BEST1: variants seen among roughly 807,000 people sequenced by gnomAD.
The protein encoded by BEST1 is bestrophin 1, also known as bestrophin-1.
A neutral mutation model predicts 63.3 loss-of-function variants in BEST1; 58 were observed. That is an observed-to-expected ratio of 0.92 (90% CI 0.74 to 1.14). The LOEUF is 1.14. Ranked by LOEUF, BEST1 falls within the 50% of genes most tolerant of loss-of-function variation. The pLI is 0.00. For missense variants in BEST1, 671 were observed against 740.1 expected, an observed-to-expected ratio of 0.91 and a Z score of 1.08; for synonymous variants, 283 against 291.6, an observed-to-expected ratio of 0.97 and a Z score of 0.30.
At chr11:61,949,962 A>AC (rs1476045455), upstream of BEST1, 1 of 152,240 alleles carries the variant, frequency 6.6e-6, no homozygotes, top group Admixed American at 6.6e-5. Flanking sequence ...GCTGTCAAAG[A>AC]CCCCAGGGCC....
intron 10 of BEST1, 118 bp from the exon 11 acceptor site, chr11:61,963,984 CTG>C: frequency 6.6e-7 from 1 of 1,513,894 alleles, no homozygotes; most frequent in Middle Eastern, 2.2e-4. Flanking sequence ...CGGAGTGAGA[CTG>C]TCTCAAAAAA....
intron 2 of BEST1, 152 bp from the exon 3 acceptor site, chr11:61,954,955 G>C: frequency 6.7e-7 from 1 of 1,494,642 alleles, no homozygotes; most frequent in Non-Finnish European, 8.9e-7. Context: ...TCATGGACCT[G>C]GCTCAGGCCT....
At position 61,962,877 on chromosome 11, in the gene BEST1, T is replaced by G; in HGVS notation, c.1723T>G (p.Trp575Gly). 1 of 1,614,172 alleles carries G rather than the reference T, an allele frequency of 6.2e-7. No homozygotes were observed. Among genetic ancestry groups the G allele is most frequent in the African/African-American group, 1.3e-5 (1 of 75,044 alleles). Residue 575 changes from tryptophan (W) to glycine (G), a missense_variant, in exon 10 of 11, where the codon TGG (tryptophan) becomes GGG (glycine). Transcript: ENST00000378043. ...TTLKDHMDPY[W>G]ALENRDEAHS ...ACTCAAAGATCACATGGATCCTTAT[T>G]GGGCCTTGGAAAACAGGTCTGTCCT...
intron 10 of BEST1, chr11:61,963,249 A>G (rs1942267325): frequency 8.7e-6 from 12 of 1,382,300 alleles, no homozygotes; most frequent in Non-Finnish European, 1.1e-5. Flanking sequence ...ACTTTGAGCA[A>G]GGGTGGCTGA....
In BEST1 at chr11:61,960,005, CCGT is replaced by C. The variant is rs1941894041; in HGVS notation, c.1065_1067del (p.Arg356del). The C allele has an allele frequency of 1.2e-6, 2 of 1,611,082 alleles. No homozygotes were observed. Among genetic ancestry groups the C allele is most frequent in the African/African-American group, 2.7e-5 (2 of 74,832 alleles). On this transcript the variant is annotated inframe_deletion, in exon 9 of 11. Coordinates refer to ENST00000378043, the MANE Select transcript of BEST1 (RefSeq NM_004183.4). ...CCTACACAGCTGCTTCCGCCCAGTT[CCGT>C]CGAGCCTCCTTTATGGGCTCCACCT...
rs1462909608 is a variant in BEST1, at chr11:61,958,299, G to A, written c.867+1G>A. The A allele has an allele frequency of 6.2e-7, 1 of 1,614,110 alleles. No homozygotes were observed. The highest frequency in any genetic ancestry group is 8.5e-7 in the Non-Finnish European group (1 of 1,180,054). On this transcript the variant is annotated splice_donor_variant, in intron 7 of 10. Coordinates refer to ENST00000378043, the MANE Select transcript of BEST1 (RefSeq NM_004183.4). LOFTEE classifies it high-confidence loss of function. ...CTTCTTCTATGTTGGCTGGCTGAAG[G>A]TGGGCCTCTCCAGGGCCCTGCTGGG... is the stretch of plus-strand genomic sequence containing the variant.
upstream of BEST1, chr11:61,950,212 C>T (rs1297232506): frequency 1.3e-5 from 2 of 152,656 alleles, no homozygotes; most frequent in African/African-American, 4.8e-5. Context: ...CTGTGCTAGC[C>T]GTTGCTTCTG....
In BEST1 at chr11:61,962,595, CT is replaced by C; in HGVS notation, c.1442del (p.Leu481GlnfsTer15). The C allele has an allele frequency of 3.1e-6, 5 of 1,614,194 alleles. No individual in the cohort carries two copies. Among genetic ancestry groups the C allele is most frequent in the Non-Finnish European group, 4.2e-6 (5 of 1,180,014 alleles). Reference protein sequence around the residue: ...PLSPTPMFFPLEPSAPSKLHS... With the variant: ...PLSPTPMFFPXEPSAPSKLHS... ...CAGCCCCACTCCCATGTTCTTCCCC[CT>C]AGAACCATCAGCGCCGTCAAAGCTT... is the stretch of plus-strand genomic sequence containing the variant. On this transcript the variant is annotated frameshift_variant, in exon 10 of 11. Transcript: ENST00000378043. LOFTEE classifies it high-confidence loss of function.
chr11:61,959,016 C>A, intron 7 of BEST1: 1 of 253,468 alleles, frequency 3.9e-6, no homozygotes, highest in South Asian at 4.6e-5. Flanking sequence ...TGAAATTCTC[C>A]GGGGTGCCCC....
At chr11:61,963,100 C>T in intron 10 of BEST1, 3 of 1,466,316 alleles carry the variant, frequency 2.0e-6, no homozygotes, top group Non-Finnish European at 1.8e-6. Flanking sequence ...TTTCTCACTT[C>T]ACCCTGGTAT....
intron 4 of BEST1, among the ~76,000 whole-genome samples, 177 bp from the exon 5 acceptor site, chr11:61,956,667 T>C (rs945210610): frequency 6.6e-6 from 1 of 151,944 alleles, no homozygotes; most frequent in Non-Finnish European, 1.5e-5. Context: ...TGGAAATAAA[T>C]AAATACCCTG....
intron 3 of BEST1, 118 bp from the exon 4 acceptor site, chr11:61,955,600 G>C (rs1941224695): frequency 3.3e-6 from 4 of 1,230,206 alleles, no homozygotes; most frequent in Non-Finnish European, 4.5e-6. Context: ...AGGAGGGCTG[G>C]GGGCTAGGCC....
At position 61,964,318 on chromosome 11, in the gene BEST1, G is replaced by T. The variant is rs1204474226; in HGVS notation, c.*196G>T. On this transcript the variant is annotated 3_prime_UTR_variant, in exon 11 of 11. Transcript: ENST00000378043. ...TTAATGCCTTTTATTCATAAAAACT[G>T]TGAAAGCTAGACTGAACCATTGGAA... 1 of 1,072,816 alleles carries T rather than the reference G, an allele frequency of 9.3e-7. No individual in the cohort carries two copies. The highest frequency in any genetic ancestry group is 2.6e-5 in the East Asian group (1 of 38,734). 66.5% of individuals were successfully genotyped at this position (1,072,816 alleles called of 1,614,324 possible).
intron 9 of BEST1, 181 bp downstream of exon 9, chr11:61,960,224 A>G (rs899157198): frequency 3.5e-6 from 3 of 853,988 alleles, no homozygotes; most frequent in East Asian, 2.7e-5. Flanking sequence ...TGTTATCCCA[A>G]GTTTTCAGAT....
rs182941675 is a variant in BEST1 at position 61,956,857 on chromosome 11, G to C, written c.495G>C (p.Pro165=). ...TCCACTCTGCAGGCTTTATGACTCC[G>C]GCAGAACACAAGCAGTTGGAGAAAC... is the stretch of plus-strand genomic sequence containing the variant. ...QHLVQAGFMT[P]AEHKQLEKLS... Residue 165 remains proline (P), a synonymous_variant, in exon 5 of 11, where the codon CCG becomes CCC. Transcript: ENST00000378043. 7 of 1,614,066 alleles carry C rather than the reference G, an allele frequency of 4.3e-6. No individual in the cohort carries two copies. The highest frequency in any genetic ancestry group is 5.9e-6 in the Non-Finnish European group (7 of 1,180,010).
chr11:61,954,476 T>C (rs1941055685), intron 2 of BEST1, among the ~76,000 whole-genome samples: 1 of 152,164 alleles, frequency 6.6e-6, no homozygotes. Context: ...ACACTCTGTT[T>C]CTTTTTTTCT....
At chr11:61,964,503 A>C, downstream of BEST1, 1 of 635,696 alleles carries the variant, frequency 1.6e-6, no homozygotes, top group Non-Finnish European at 2.7e-6. Context: ...ACGGCACTTA[A>C]GGAATCTGGA....
chr11:61,964,408 C>CCAA lies in BEST1; in HGVS notation c.*286_*287insCAA. On this transcript the variant is annotated 3_prime_UTR_variant, in exon 11 of 11. Coordinates refer to ENST00000378043, the MANE Select transcript of BEST1 (RefSeq NM_004183.4). The stretch of plus-strand genomic sequence containing the variant: ...TAGTTCTATCTGAATCCAAGACAGC[C>CCAA]ACACCTTAGTATACTGCCCAAACTA... 1 of 633,896 alleles carries CCAA rather than the reference C, an allele frequency of 1.6e-6. No homozygotes were observed. The highest frequency in any genetic ancestry group is 2.7e-6 in the Non-Finnish European group (1 of 370,566). The allele number at this position is 633,896 out of a possible 1,614,324, so 39.3% of individuals were successfully genotyped here.
chr11:61,962,294 G>A lies in BEST1; in HGVS notation c.1140G>A (p.Glu380=). The A allele has an allele frequency of 6.2e-7, 1 of 1,614,144 alleles. No homozygotes were observed. Among genetic ancestry groups the A allele is most frequent in the Middle Eastern group, 1.7e-4 (1 of 6,056 alleles). Residue 380 remains glutamate, a synonymous_variant, in exon 10 of 11, where the codon GAG becomes GAA. Transcript: ENST00000378043. ...AGATGGAGTTCCAGCCCAATCAGGA[G>A]GACGAGGAGGATGCTCACGCTGGCA... The part of the protein sequence containing the change: ...KEEMEFQPNQ[E]DEEDAHAGII...
Sources: allele counts gnomAD v4.1 joint callset (sites outside exome capture counted in the v4.1 genomes callset), GRCh38; gene constraint gnomAD v4.1.1; transcripts MANE v1.5; gene names NCBI Gene and HGNC (gene_info 2026-07-23, HGNC 2026-07-21).